The following TCFL5 variants were observed in gnomAD, a reference collection of about 807,000 sequenced individuals.
TCFL5 encodes transcription factor-like 5 protein.
In TCFL5, 9 loss-of-function variants were observed where a neutral mutation model predicts 44.3. The observed-to-expected ratio is 0.20, with a 90% confidence interval of 0.12 to 0.35. The LOEUF (loss-of-function observed/expected upper bound fraction) is 0.35. Ranked by LOEUF, TCFL5 falls within the 10% of genes least tolerant of loss-of-function variation. The pLI is 1.00. For synonymous variants in TCFL5, 319 were observed against 271.6 expected (o/e 1.17, Z -1.72); for missense variants, 603 against 613.4 (o/e 0.98, Z 0.18).
intron 5 of TCFL5, 78 bp downstream of exon 5, chr20:62,853,938 G>C: frequency 6.7e-7 from 1 of 1,495,014 alleles, no homozygotes; most frequent in Non-Finnish European, 9.2e-7. Context: ...GATAGTTTGA[G>C]TTATCCTTAG....
In TCFL5 at chr20:62,841,948, C is replaced by T. The variant is rs774820720; in HGVS notation, c.*27G>A. 3.0e-5 allele frequency: 48 copies of T among 1,611,704 alleles called. No homozygotes were observed. The highest frequency in any genetic ancestry group is 3.5e-5 in the Non-Finnish European group (41 of 1,179,186). Reference sequence around the variant, plus strand: ...CAGGTCACGAAGGAATGGCTGTTCACCCCCCGAGGATTCCTGTTCAGTCCG... The same window carrying T: ...CAGGTCACGAAGGAATGGCTGTTCATCCCCCGAGGATTCCTGTTCAGTCCG... On this transcript the variant is annotated 3_prime_UTR_variant, in exon 6 of 6. Coordinates refer to ENST00000335351, the MANE Select transcript of TCFL5 (RefSeq NM_006602.4).
At chr20:62,850,894 G>A (rs759755593) in intron 5 of TCFL5, among the ~76,000 whole-genome samples, 2 of 152,040 alleles carry the variant, frequency 1.3e-5, no homozygotes, top group Non-Finnish European at 2.9e-5. Context: ...AGCAGCCCCC[G>A]AGTCCGGCTG....
rs1373486976 is a variant in TCFL5 at position 62,861,118 on chromosome 20, C to G, written c.553G>C (p.Val185Leu). ...PEARAKPAVR[V>L]RLEDRFNSIP... The stretch of plus-strand genomic sequence containing the variant: ...CTGTTGAAGCGGTCCTCCAGGCGGA[C>G]GCGCACGGCCGGCTTGGCCCGGGCC... The change falls in exon 1 of 6, where the codon GTC becomes CTC. Residue 185 changes from valine (V) to leucine (L), a missense_variant. Val to Leu is a conservative substitution (Grantham distance 32). Coordinates refer to ENST00000335351, the MANE Select transcript of TCFL5 (RefSeq NM_006602.4). This position sits in a 1 kb window ranked among gnomAD's most constrained non-coding sequence, Gnocchi z 4.0. 80 of 998,898 alleles carry G rather than the reference C, an allele frequency of 8.0e-5. No homozygotes were observed. The highest frequency in any genetic ancestry group is 8.6e-5 in the Non-Finnish European group (72 of 840,864). The allele number at this position is 998,898 out of a possible 1,614,324, so 61.9% of individuals were successfully genotyped here.
At chr20:62,845,388 G>T (rs954498853) in intron 5 of TCFL5, 2 of 1,187,312 alleles carry the variant, frequency 1.7e-6, no homozygotes, top group Non-Finnish European at 2.1e-6. Context: ...TTCCCAAAGT[G>T]CTGGGATTAC....
chr20:62,854,279 C>T lies in TCFL5; in HGVS notation c.1239-122G>A, dbSNP rs1349885746. On this transcript the variant is annotated intron_variant, in intron 4 of 5. Transcript: ENST00000335351. ...CGTGCATCCTGGCCACTGAGTGCCA[C>T]GGAAGCGCCTGTCACCACAGGAAGC... The T allele has an allele frequency of 2.7e-5, 34 of 1,281,306 alleles. No homozygotes were observed. In the South Asian group the frequency reaches 4.2e-4, roughly 16 times the overall value. The allele number at this position is 1,281,306 out of a possible 1,614,324, so 79.4% of individuals were successfully genotyped here.
intron 5 of TCFL5, chr20:62,852,073 G>A: frequency 1.0e-6 from 1 of 985,318 alleles, no homozygotes; most frequent in Non-Finnish European, 1.2e-6. Flanking sequence ...CCCAAGTGCT[G>A]GGATCACAGG....
chr20:62,852,057 C>T lies in TCFL5; in HGVS notation c.1380+1959G>A, dbSNP rs145012060. The T allele has an allele frequency of 1.5e-4, 148 of 983,192 alleles. No individual in the cohort carries two copies. In the African/African-American group the frequency reaches 2.1e-3, roughly 14 times the overall value. The allele number at this position is 983,192 out of a possible 1,614,324, so 60.9% of individuals were successfully genotyped here. A position where few individuals can be genotyped will look rare whatever the true frequency, so the allele number is the denominator to read the frequency against. ...CTGGCCTCAAATGATCCACCCGCCT[C>T]GGCCTCCCAAGTGCTGGGATCACAG... On this transcript the variant is annotated intron_variant, in intron 5 of 5. Coordinates refer to ENST00000335351, the MANE Select transcript of TCFL5 (RefSeq NM_006602.4).
chr20:62,851,628 T>G, intron 5 of TCFL5: 1 of 985,218 alleles, frequency 1.0e-6, no homozygotes, highest in Non-Finnish European at 1.2e-6. Context: ...CGCTATAGAA[T>G]GCAATTAAAT....
At chr20:62,855,431 C>CCACT (rs2063873032) in intron 4 of TCFL5, among the ~76,000 whole-genome samples, 1 of 152,332 alleles carries the variant, frequency 6.6e-6, no homozygotes, top group East Asian at 1.9e-4. Context: ...CAGTCATGAG[C>CCACT]CACTGCACCC....
intron 1 of TCFL5, among the ~76,000 whole-genome samples, 163 bp downstream of exon 1, chr20:62,860,861 C>T (rs1265794914): frequency 6.6e-6 from 1 of 152,140 alleles, no homozygotes; most frequent in African/African-American, 2.4e-5. Context: ...GCGCACACAG[C>T]CTTTCGGGGC....
In TCFL5 at chr20:62,842,174, C is replaced by G. The variant is rs1386243483; in HGVS notation, c.1381-77G>C. 6.3e-7 allele frequency: 1 copy of G among 1,575,202 alleles called. No individual in the cohort carries two copies. Among genetic ancestry groups the G allele is most frequent in the Non-Finnish European group, 8.7e-7 (1 of 1,155,776 alleles). On this transcript the variant is annotated intron_variant, in intron 5 of 5. Coordinates refer to ENST00000335351, the MANE Select transcript of TCFL5 (RefSeq NM_006602.4). The surrounding 1 kb of genome is among the most constrained non-coding windows in gnomAD (Gnocchi z 4.3). ...GCTGTCTTCCAAAGTGCAAAAGGTT[C>G]AAATTAAGAGCTAAGTAAATGACTT...
chr20:62,845,796 G>A (rs1385979394), intron 5 of TCFL5: 1 of 1,604,298 alleles, frequency 6.2e-7, no homozygotes, highest in Non-Finnish European at 8.5e-7. Flanking sequence ...TGGGGAAGGT[G>A]TGGCAATGTG....
intron 5 of TCFL5, chr20:62,852,317 C>G: frequency 1.0e-5 from 10 of 985,364 alleles, no homozygotes; most frequent in Non-Finnish European, 1.2e-5. Flanking sequence ...AGGCCGGGAC[C>G]TGGAACTCGG....
chr20:62,841,940 G>A lies in TCFL5; in HGVS notation c.*35C>T, dbSNP rs201911316. 6.2e-7 allele frequency: 1 copy of A among 1,612,052 alleles called. No homozygotes were observed. The highest frequency in any genetic ancestry group is 1.1e-5 in the South Asian group (1 of 90,918). Reference sequence around the variant, plus strand: ...GGCGTGCACAGGTCACGAAGGAATGGCTGTTCACCCCCCGAGGATTCCTGT... The same window carrying A: ...GGCGTGCACAGGTCACGAAGGAATGACTGTTCACCCCCCGAGGATTCCTGT... On this transcript the variant is annotated 3_prime_UTR_variant, in exon 6 of 6. Coordinates refer to ENST00000335351, the MANE Select transcript of TCFL5 (RefSeq NM_006602.4).
chr20:62,845,734 G>C, intron 5 of TCFL5: 1 of 1,606,600 alleles, frequency 6.2e-7, no homozygotes, highest in Non-Finnish European at 8.5e-7. Flanking sequence ...ACATATTTCT[G>C]TCCCTGCCCA....
intron 4 of TCFL5, among the ~76,000 whole-genome samples, chr20:62,856,984 G>C (rs765867301): frequency 6.6e-6 from 1 of 152,216 alleles, no homozygotes; most frequent in African/African-American, 2.4e-5. Flanking sequence ...CACGCCCCTG[G>C]TCTCTAGCGA....
intron 4 of TCFL5, among the ~76,000 whole-genome samples, chr20:62,856,762 G>A (rs1343946294): frequency 1.3e-5 from 2 of 150,456 alleles, no homozygotes; most frequent in East Asian, 1.9e-4. Flanking sequence ...AAGCTGGCTG[G>A]TAAGCAGCAG....
In TCFL5 at chr20:62,861,561, A is replaced by G; in HGVS notation, c.110T>C (p.Leu37Pro). The part of the protein sequence containing the change: ...GGDAALGEPG[L>P]SFTTTDLSLV... ...GCTCAGGTCGGTGGTCGTGAAGCTC[A>G]GCCCCGGCTCGCCCAGCGCCGCGTC... The change falls in exon 1 of 6, where the codon CTG becomes CCG. Residue 37 changes from leucine to proline, a missense_variant. Transcript: ENST00000335351. This position sits in a 1 kb window ranked among gnomAD's most constrained non-coding sequence, Gnocchi z 4.0. 3 of 1,125,928 alleles carry G rather than the reference A, an allele frequency of 2.7e-6. No individual in the cohort carries two copies. Among genetic ancestry groups the G allele is most frequent in the East Asian group, 5.3e-5 (1 of 18,732 alleles). The allele number at this position is 1,125,928 out of a possible 1,614,324, so 69.7% of individuals were successfully genotyped here.
chr20:62,845,578 A>G, intron 5 of TCFL5: 3 of 1,518,924 alleles, frequency 2.0e-6, no homozygotes, highest in South Asian at 1.3e-5. Flanking sequence ...TGAAAGTCAG[A>G]GCCTGGGCCG....
Sources: gnomAD v4.1 joint callset for allele counts (sites outside exome capture counted in the v4.1 genomes callset) on GRCh38, gnomAD v4.1.1 for gene constraint, Gnocchi (gnomAD v3.1) non-coding constraint, MANE v1.5 for transcripts, NCBI Gene and HGNC (gene_info 2026-07-23, HGNC 2026-07-21) for gene names.